LRMDA: variants seen among roughly 807,000 people sequenced by gnomAD.
LRMDA encodes the protein leucine rich melanocyte differentiation associated.
LRMDA carries 18 observed loss-of-function variants against 29.8 expected under a neutral mutation model. That is an observed-to-expected ratio of 0.60 (90% confidence interval 0.42 to 0.90). The LOEUF (loss-of-function observed/expected upper bound fraction) is 0.90. LRMDA is among the 40% of genes least tolerant of loss of function. The pLI is 0.00. For missense variants in LRMDA, 273 were observed against 273.9 expected (o/e 1.00, Z 0.02); for synonymous variants, 125 against 109.4 (o/e 1.14, Z -0.89).
At chr10:75,483,888 T>TTTTTTA in intron 2 of LRMDA, among the ~76,000 whole-genome samples, 1 of 103,600 alleles carries the variant, frequency 9.7e-6, no homozygotes, top group African/African-American at 2.9e-5. Flanking sequence ...TTAATGATTT[T>TTTTTTA]TCAGGTAGTA....
At chr10:75,597,828 G>A (rs529837503) in intron 2 of LRMDA, among the ~76,000 whole-genome samples, 14 of 152,132 alleles carry the variant, frequency 9.2e-5, no homozygotes, top group Non-Finnish European at 1.9e-4. Context: ...GGGCCTGGGC[G>A]CTTTTATGTT....
At chr10:76,447,291 G>C (rs1042573917) in intron 6 of LRMDA, among the ~76,000 whole-genome samples, 5 of 151,894 alleles carry the variant, frequency 3.3e-5, no homozygotes, top group Non-Finnish European at 7.4e-5. Context: ...TTATTCAAAA[G>C]GATATTATCT....
chr10:76,065,188 T>C (rs1457595277), intron 5 of LRMDA, among the ~76,000 whole-genome samples: 1 of 152,248 alleles, frequency 6.6e-6, no homozygotes, highest in East Asian at 1.9e-4. Flanking sequence ...ATTTCTCCAT[T>C]TTTAGAACCA....
At chr10:76,177,328 T>C (rs1246520619) in intron 5 of LRMDA, among the ~76,000 whole-genome samples, 1 of 151,368 alleles carries the variant, frequency 6.6e-6, no homozygotes, top group Admixed American at 6.6e-5. Flanking sequence ...TCACTTTCTT[T>C]GGAATGCTAT....
chr10:76,151,337 G>A (rs555211277), intron 5 of LRMDA, among the ~76,000 whole-genome samples: 72 of 152,232 alleles, frequency 4.7e-4, no homozygotes, highest in Non-Finnish European at 7.6e-4. Flanking sequence ...CCCCGACCAC[G>A]TTTTCTAAAG....
At chr10:76,303,106 G>C (rs1264734521) in intron 5 of LRMDA, among the ~76,000 whole-genome samples, 1 of 151,964 alleles carries the variant, frequency 6.6e-6, no homozygotes, top group Non-Finnish European at 1.5e-5. Flanking sequence ...GCCCCTTGCT[G>C]AACTCTTTGA....
At chr10:75,864,241 C>T (rs958497407) in intron 2 of LRMDA, among the ~76,000 whole-genome samples, 1 of 152,306 alleles carries the variant, frequency 6.6e-6, no homozygotes, top group East Asian at 1.9e-4. Flanking sequence ...AATAATACCA[C>T]CTAACAAAGT....
intron 6 of LRMDA, among the ~76,000 whole-genome samples, chr10:76,521,555 G>T (rs1287347159): frequency 6.6e-6 from 1 of 152,174 alleles, no homozygotes; most frequent in African/African-American, 2.4e-5. Context: ...AATCTTTGTT[G>T]TGTAGCTTTC....
At chr10:76,361,698 C>T (rs757524136) in intron 6 of LRMDA, among the ~76,000 whole-genome samples, 1 of 152,118 alleles carries the variant, frequency 6.6e-6, no homozygotes, top group Non-Finnish European at 1.5e-5. Context: ...AGCAAATGCA[C>T]CAAAGAACAC....
At chr10:76,393,174 A>T (rs1291108766) in intron 6 of LRMDA, among the ~76,000 whole-genome samples, 1 of 151,996 alleles carries the variant, frequency 6.6e-6, no homozygotes, top group Non-Finnish European at 1.5e-5. Context: ...TACTGATTTC[A>T]TTTCTTTTGG....
At chr10:76,311,989 C>T (rs2132379650) in intron 5 of LRMDA, among the ~76,000 whole-genome samples, 1 of 152,316 alleles carries the variant, frequency 6.6e-6, no homozygotes, top group African/African-American at 2.4e-5. Flanking sequence ...TCTCTGACCC[C>T]TATCCCTAGT....
At position 76,048,398 on chromosome 10, in the gene LRMDA, A is replaced by G. The variant is rs555802608; in HGVS notation, c.398+1095A>G. On this transcript the variant is annotated intron_variant, in intron 4 of 6. Coordinates refer to ENST00000611255, the MANE Select transcript of LRMDA (RefSeq NM_001305581.2). The stretch of plus-strand genomic sequence containing the variant: ...CAGGGCTTATGAGGTTGCAAAAGGA[A>G]AAGAAGAGCTAAGAAAAATTTTTTT... Among the ~76,000 whole-genome samples, 369 of 152,304 alleles carry G rather than the reference A, an allele frequency of 2.4e-3. 2 individuals carry two copies. Among genetic ancestry groups the G allele is most frequent in the African/African-American group, 7.4e-3 (309 of 41,556 alleles).
chr10:75,669,287 G>T (rs1841862969), intron 2 of LRMDA, among the ~76,000 whole-genome samples: 1 of 152,196 alleles, frequency 6.6e-6, no homozygotes, highest in South Asian at 2.1e-4. Flanking sequence ...TTTCTCAAAG[G>T]ATAGACCATT....
At chr10:75,975,566 G>A (rs535478248) in intron 2 of LRMDA, among the ~76,000 whole-genome samples, 1 of 152,238 alleles carries the variant, frequency 6.6e-6, no homozygotes, top group Admixed American at 6.5e-5. Context: ...GGACAGATTG[G>A]GTACCCTGTT....
At chr10:76,098,764 G>C (rs564438477) in intron 5 of LRMDA, among the ~76,000 whole-genome samples, 3 of 152,158 alleles carry the variant, frequency 2.0e-5, no homozygotes, top group Non-Finnish European at 4.4e-5. Context: ...AGCTGTGTGG[G>C]AGACTGGAGT....
At chr10:76,201,566 T>C (rs1172624429) in intron 5 of LRMDA, among the ~76,000 whole-genome samples, 3 of 152,252 alleles carry the variant, frequency 2.0e-5, no homozygotes, top group East Asian at 3.8e-4. Flanking sequence ...ATAATTGTTA[T>C]AGTGTTCTTA....
chr10:75,980,244 A>G (rs1392160166), intron 2 of LRMDA, among the ~76,000 whole-genome samples: 3 of 152,188 alleles, frequency 2.0e-5, no homozygotes, highest in African/African-American at 7.2e-5. Context: ...TTGCTGTATC[A>G]TAGGATCCTG....
chr10:76,530,609 G>A (rs763352912), intron 6 of LRMDA, among the ~76,000 whole-genome samples: 44 of 152,108 alleles, frequency 2.9e-4, no homozygotes, highest in Non-Finnish European at 4.9e-4. Context: ...AGGAGCAGGA[G>A]GAGGAAAGGG....
chr10:75,813,994 G>A, intron 2 of LRMDA, among the ~76,000 whole-genome samples: 1 of 152,206 alleles, frequency 6.6e-6, no homozygotes, highest in East Asian at 1.9e-4. Flanking sequence ...GTCACTATTG[G>A]AAAGCATTGT....
Sources: allele counts gnomAD v4.1 joint callset (sites outside exome capture counted in the v4.1 genomes callset), GRCh38; gene constraint gnomAD v4.1.1; transcripts MANE v1.5; gene names NCBI Gene and HGNC (gene_info 2026-07-23, HGNC 2026-07-21).